TLL2: variants seen among roughly 807,000 people sequenced by gnomAD.
TLL2 encodes tolloid like 2, also known as tolloid-like protein 2.
In TLL2, 106 loss-of-function variants were observed where a neutral mutation model predicts 123.0. The ratio of observed to expected loss-of-function variants is 0.86; its 90% CI spans 0.74 to 1.01. The LOEUF is 1.01. Ranked by LOEUF, TLL2 falls within the 50% of genes least tolerant of loss-of-function variation. The pLI, the probability that TLL2 is intolerant of heterozygous loss-of-function variation, is 0.00. For synonymous variants in TLL2, 494 were observed against 516.8 expected (o/e 0.96, Z 0.60); for missense variants, 1,332 against 1,336.7 (o/e 1.00, Z 0.06).
Position 96,379,838 on chromosome 10 carries a change from C to CA in TLL2, c.2195-747dup, listed in dbSNP as rs532044639. On this transcript the variant is annotated intron_variant, in intron 16 of 20. Transcript: ENST00000357947. ...ACTCCATCTCAAAAACAAAACAAAA[C>CA]AAAAACAAGTAAGGAAACTGACGCT... 5.6e-3 allele frequency among the ~76,000 whole-genome samples: 855 copies of CA among 152,246 alleles called. 11 individuals are homozygous for CA. Among genetic ancestry groups the CA allele is most frequent in the African/African-American group, 0.02 (821 of 41,552 alleles).
chr10:96,373,727 G>A lies in TLL2; in HGVS notation c.2531C>T (p.Ala844Val), dbSNP rs961521139. ...GCCGCAGAAACGGCCCAGAATGGGG[G>A]CCAGGCTGTCCGGCCCGTCATACAT... ...LEMYDGPDSL[A>V]PILGRFCGSK... Residue 844 changes from alanine to valine, a missense_variant, in exon 19 of 21, where the codon GCC becomes GTC. Coordinates refer to ENST00000357947, the MANE Select transcript of TLL2 (RefSeq NM_012465.4). The A allele has an allele frequency of 4.3e-6, 7 of 1,614,140 alleles. No homozygotes were observed. Among genetic ancestry groups the A allele is most frequent in the Non-Finnish European group, 5.9e-6 (7 of 1,180,040 alleles).
chr10:96,387,668 G>T (rs1246012250), intron 13 of TLL2, among the ~76,000 whole-genome samples: 1 of 152,186 alleles, frequency 6.6e-6, no homozygotes, highest in East Asian at 1.9e-4. Flanking sequence ...AGGAAAACCT[G>T]CAGGAAGAGG....
At chr10:96,459,688 AAAAAAAAAAAAAAAAAAATATATAT>A (rs1847055209) in intron 2 of TLL2, among the ~76,000 whole-genome samples, 3 of 62,404 alleles carry the variant, frequency 4.8e-5, no homozygotes, top group South Asian at 5.7e-4. Context: ...AAAAAAAAAA[AAAAAAAAAAAAAAAAAAATATATAT>A]ATATATATAT....
At chr10:96,421,439 G>A (rs909704049) in intron 6 of TLL2, among the ~76,000 whole-genome samples, 19 of 152,210 alleles carry the variant, frequency 1.2e-4, no homozygotes, top group African/African-American at 4.6e-4. Flanking sequence ...CAAGGCGGGT[G>A]GATCGCCTGA....
rs1453331865 is a variant in TLL2 at position 96,422,537 on chromosome 10, A to G, written c.817+12T>C. On this transcript the variant is annotated intron_variant, in intron 6 of 20. Coordinates refer to ENST00000357947, the MANE Select transcript of TLL2 (RefSeq NM_012465.4). ...GACCGGTGCCTTCCAGACTCCACAC[A>G]GGCCTCCTTACCTGGCTGGATGTTT... 1.2e-6 allele frequency: 2 copies of G among 1,613,696 alleles called. No individual in the cohort carries two copies. Among genetic ancestry groups the G allele is most frequent in the Non-Finnish European group, 8.5e-7 (1 of 1,179,914 alleles).
At position 96,376,716 on chromosome 10, in the gene TLL2, C is replaced by T. The variant is rs745590737; in HGVS notation, c.2424G>A (p.Ser808=). The T allele has an allele frequency of 9.3e-6, 15 of 1,609,792 alleles. No individual in the cohort carries two copies. Among genetic ancestry groups the T allele is most frequent in the South Asian group, 2.2e-5 (2 of 90,594 alleles). Residue 808 remains serine (S), a synonymous_variant, in exon 18 of 21, where the codon TCG becomes TCA. Coordinates refer to ENST00000357947, the MANE Select transcript of TLL2 (RefSeq NM_012465.4). ...CGAGTTTCACTCTGTGGCCTGCAGT[C>T]GAAGAGATGTTCCAGGTACACTCCC... The part of the protein sequence containing the change: ...SRRECTWNIS[S]TAGHRVKLTF...
At chr10:96,400,840 T>A (rs1352193191) in intron 10 of TLL2, among the ~76,000 whole-genome samples, 4 of 152,238 alleles carry the variant, frequency 2.6e-5, no homozygotes. Flanking sequence ...GATCACTGGA[T>A]GAGCTCTCTC....
rs1013634552 is a variant in TLL2, at chr10:96,365,197, G to A, written c.*2891C>T. 6.6e-6 allele frequency: 1 copy of A among 152,166 alleles called. No homozygotes were observed. The highest frequency in any genetic ancestry group is 1.9e-4 in the East Asian group (1 of 5,200). The allele number at this position is 152,166 out of a possible 1,614,324, so 9.4% of individuals were successfully genotyped here. A position where few individuals can be genotyped will look rare whatever the true frequency, so the allele number is the denominator to read the frequency against. On this transcript the variant is annotated 3_prime_UTR_variant, in exon 21 of 21. Transcript: ENST00000357947. ...CATATTCAAAGCCGTCCTGGGCCAA[G>A]GGTTGGACAAGCTTGCTTTAGAGAG...
At chr10:96,397,794 A>C (rs919259958) in intron 10 of TLL2, among the ~76,000 whole-genome samples, 1 of 152,238 alleles carries the variant, frequency 6.6e-6, no homozygotes, top group African/African-American at 2.4e-5. Context: ...TAGTTGCAAT[A>C]GCAAAGATTT....
chr10:96,397,056 CCT>C (rs1846349298), intron 11 of TLL2, 128 bp downstream of exon 11: 2 of 734,280 alleles, frequency 2.7e-6, no homozygotes, highest in African/African-American at 3.6e-5. Context: ...CAGCTTGCCC[CCT>C]GTGGTGGCTG....
chr10:96,377,661 C>T (rs564676801), intron 17 of TLL2, among the ~76,000 whole-genome samples: 9 of 152,274 alleles, frequency 5.9e-5, no homozygotes, highest in Middle Eastern at 3.4e-3. Flanking sequence ...ATCACAAACA[C>T]GGAGGCTCCA....
At chr10:96,503,117 T>C (rs1847550173) in intron 1 of TLL2, among the ~76,000 whole-genome samples, 1 of 152,254 alleles carries the variant, frequency 6.6e-6, no homozygotes, top group Middle Eastern at 3.4e-3. Flanking sequence ...CTCTCCCTGC[T>C]TCATGGGTGA....
At chr10:96,468,755 GCACCC>G (rs1221421867) in intron 2 of TLL2, among the ~76,000 whole-genome samples, 1 of 152,204 alleles carries the variant, frequency 6.6e-6, no homozygotes, top group African/African-American at 2.4e-5. Context: ...ACCTGGCCCT[GCACCC>G]CACCGTGGCC....
Position 96,446,088 on chromosome 10 carries a change from T to C in TLL2, c.364+3A>G. ...CCAAAGACCTGGTGAGGGCTCACAT[T>C]ACCCTTTCCAGCTTCCTTGGTGCCA... On this transcript the variant is annotated splice_donor_region_variant and intron_variant, in intron 3 of 20. Transcript: ENST00000357947. 6.2e-7 allele frequency: 1 copy of C among 1,614,138 alleles called. No homozygotes were observed.
At position 96,476,237 on chromosome 10, in the gene TLL2, TA is replaced by T. The variant is rs1564914941; in HGVS notation, c.286+4111del. ...AATTTTATATGTATATATATATATATATATTTTATTTTTGTTGTTGTTGTTG... is the reference window on the plus strand; with the variant it reads ...AATTTTATATGTATATATATATATATTATTTTATTTTTGTTGTTGTTGTTG... On this transcript the variant is annotated intron_variant, in intron 2 of 20. Coordinates refer to ENST00000357947, the MANE Select transcript of TLL2 (RefSeq NM_012465.4). Among the ~76,000 whole-genome samples, 49 of 44,344 alleles carry T rather than the reference TA, an allele frequency of 1.1e-3. 6 individuals are homozygous for T. The highest frequency in any genetic ancestry group is 8.3e-3 in the South Asian group (14 of 1,686). 29.1% of individuals were successfully genotyped at this position (44,344 alleles called of 152,430 possible).
intron 7 of TLL2, among the ~76,000 whole-genome samples, chr10:96,415,963 C>T (rs1386574072): frequency 1.3e-5 from 2 of 151,088 alleles, no homozygotes; most frequent in African/African-American, 4.9e-5. Context: ...ATTTCCTGTT[C>T]AGCATCTCTG....
At chr10:96,462,262 T>C (rs768435854) in intron 2 of TLL2, among the ~76,000 whole-genome samples, 5 of 152,196 alleles carry the variant, frequency 3.3e-5, no homozygotes, top group Non-Finnish European at 7.4e-5. Flanking sequence ...CTTTGCCTCA[T>C]TGTTCCTTCC....
At chr10:96,384,553 G>T (rs774348937) in intron 16 of TLL2, 34 bp downstream of exon 16, 4 of 1,517,930 alleles carry the variant, frequency 2.6e-6, no homozygotes, top group Non-Finnish European at 3.6e-6. Flanking sequence ...CGCCTCACTC[G>T]CGCTGCATCA....
In TLL2 at chr10:96,395,349, G is replaced by C. The variant is rs746828315; in HGVS notation, c.1564C>G (p.Leu522Val). ...TCCGTGGGGCCATCCCGGACTTCCA[G>C]GTAGTCATATGCACAGCTGTCGTGC... ...ERHDSCAYDY[L>V]EVRDGPTEES... Residue 522 changes from leucine (L) to valine (V), a missense_variant, in exon 13 of 21, where the codon CTG (leucine) becomes GTG (valine). By Grantham distance (32) the Leu-to-Val change is conservative. Transcript: ENST00000357947. 3 of 1,611,196 alleles carry C rather than the reference G, an allele frequency of 1.9e-6. No homozygotes were observed. Among genetic ancestry groups the C allele is most frequent in the Non-Finnish European group, 2.5e-6 (3 of 1,179,022 alleles).
Sources: gnomAD v4.1 joint callset for allele counts (sites outside exome capture counted in the v4.1 genomes callset) on GRCh38, gnomAD v4.1.1 for gene constraint, MANE v1.5 for transcripts, NCBI Gene and HGNC (gene_info 2026-07-23, HGNC 2026-07-21) for gene names.